Variants in ADCY6 observed in about 807,000 individuals in gnomAD.
The protein encoded by ADCY6 is adenylate cyclase type 6.
ADCY6 carries 59 observed loss-of-function variants against 111.6 expected under a neutral mutation model. The observed-to-expected ratio is 0.53, with a 90% CI of 0.43 to 0.66. The LOEUF is 0.66. Among genes scored for constraint, ADCY6 ranks in the 30% least tolerant of loss-of-function variants. The pLI, the probability that ADCY6 is intolerant of heterozygous loss-of-function variation, is 0.00. For synonymous variants in ADCY6, 576 were observed against 642.9 expected (o/e 0.90, Z 1.57); for missense variants, 1,242 against 1,595.6 (o/e 0.78, Z 3.78).
At chr12:48,775,569 C>T in intron 10 of ADCY6, 104 bp downstream of exon 10, 1 of 1,577,048 alleles carries the variant, frequency 6.3e-7, no homozygotes, top group African/African-American at 1.3e-5. Context: ...GTGGCTCCTG[C>T]TCCCACACAA....
chr12:48,774,181 G>T (rs1941630856), intron 14 of ADCY6, 83 bp from the exon 15 acceptor site: 2 of 1,357,262 alleles, frequency 1.5e-6, no homozygotes, highest in Non-Finnish European at 2.0e-6. Flanking sequence ...ACCCTAACCT[G>T]GGCTATGCCC....
In ADCY6 at chr12:48,768,587, C is replaced by G; in HGVS notation, c.*4G>C. 1.9e-6 allele frequency: 3 copies of G among 1,614,094 alleles called. No homozygotes were observed. The highest frequency in any genetic ancestry group is 2.5e-6 in the Non-Finnish European group (3 of 1,180,002). ...CCTTCAGCTGAATTTGTGGCTGGGC[C>G]CTGTTAACTGCTGGGGCCCCCATTG... is the stretch of plus-strand genomic sequence containing the variant. On this transcript the variant is annotated 3_prime_UTR_variant, in exon 22 of 22. Transcript: ENST00000357869.
At chr12:48,772,122 G>C (rs1234007194) in intron 18 of ADCY6, 149 bp from the exon 19 acceptor site, 3 of 1,380,890 alleles carry the variant, frequency 2.2e-6, no homozygotes, top group African/African-American at 1.5e-5. Context: ...AGGGGTAAAG[G>C]GGGCAGGTAG....
chr12:48,780,935 TCACGCTTGTAATCC>T (rs1443473480), intron 2 of ADCY6, among the ~76,000 whole-genome samples: 1 of 152,202 alleles, frequency 6.6e-6, no homozygotes, highest in Non-Finnish European at 1.5e-5. Flanking sequence ...GTGCGGTGGC[TCACGCTTGTAATCC>T]CAGCACTTTG....
At chr12:48,784,918 AAC>A (rs1941952703) in intron 1 of ADCY6, among the ~76,000 whole-genome samples, 1 of 152,054 alleles carries the variant, frequency 6.6e-6, no homozygotes, top group Non-Finnish European at 1.5e-5. Context: ...GCCACCAGCT[AAC>A]AGTGATAATC....
In ADCY6 at chr12:48,775,073, A is replaced by G; in HGVS notation, c.1981-19T>C. ...GGGAGTACTGAGGGAGAGGAGGCTG[A>G]GCTGAGTGCTGGGCCCTCCCTAAGG... is the stretch of plus-strand genomic sequence containing the variant. On this transcript the variant is annotated intron_variant, in intron 11 of 21. Transcript: ENST00000357869. 1 of 1,547,130 alleles carries G rather than the reference A, an allele frequency of 6.5e-7. No individual in the cohort carries two copies. Among genetic ancestry groups the G allele is most frequent in the Non-Finnish European group, 8.8e-7 (1 of 1,142,402 alleles).
At position 48,777,659 on chromosome 12, in the gene ADCY6, GTCT is replaced by G; in HGVS notation, c.1089_1091del (p.Glu363del). The G allele has an allele frequency of 6.2e-7, 1 of 1,613,704 alleles. No individual in the cohort carries two copies. Among genetic ancestry groups the G allele is most frequent in the Non-Finnish European group, 8.5e-7 (1 of 1,179,972 alleles). Reference sequence around the variant, plus strand: ...GTATGTAGATCTTGTGGAACATCATGTCTTCTTTTTTTGTGTTGATGTCTTCTT... The same window carrying G: ...GTATGTAGATCTTGTGGAACATCATGTCTTTTTTTGTGTTGATGTCTTCTT... On this transcript the variant is annotated inframe_deletion, in exon 4 of 22. Transcript: ENST00000357869. The surrounding 1 kb of genome is among the most constrained non-coding windows in gnomAD (Gnocchi z 4.9).
intron 9 of ADCY6, 71 bp from the exon 10 acceptor site, chr12:48,775,769 AC>A: frequency 6.4e-7 from 1 of 1,564,374 alleles, no homozygotes; most frequent in Non-Finnish European, 8.7e-7. Flanking sequence ...TCCTTCCCCC[AC>A]CCCAACACTG....
chr12:48,774,437 C>A lies in ADCY6; in HGVS notation c.2248G>T (p.Val750Phe). The change falls in exon 14 of 22, where the codon GTC becomes TTC. Residue 750 changes from valine to phenylalanine, a missense_variant. Transcript: ENST00000357869. ...AHSTAVGIFS[V>F]LLVFTSAIAN... ...ATGGCAGAAGTAAACACAAGCAGGACGGAAAAGATGCCAACTGCGGTGCTA... is the reference window on the plus strand; with the variant it reads ...ATGGCAGAAGTAAACACAAGCAGGAAGGAAAAGATGCCAACTGCGGTGCTA... The A allele has an allele frequency of 4.3e-5, 69 of 1,613,914 alleles. No homozygotes were observed. Among genetic ancestry groups the A allele is most frequent in the Non-Finnish European group, 5.8e-5 (69 of 1,179,974 alleles).
chr12:48,788,969 G>C lies in ADCY6; in HGVS notation c.-68C>G, dbSNP rs1942034595. On this transcript the variant is annotated 5_prime_UTR_variant, in exon 1 of 22. Transcript: ENST00000357869. ...CCGCCGCCCCCGCGGGCTCCGGCCG[G>C]CCGGCCGGCCGTCCCGCGGTCCTCC... is the stretch of plus-strand genomic sequence containing the variant. 7.5e-6 allele frequency: 1 copy of C among 133,920 alleles called. No individual in the cohort carries two copies. The highest frequency in any genetic ancestry group is 2.4e-4 in the East Asian group (1 of 4,130). 8.3% of individuals were successfully genotyped at this position (133,920 alleles called of 1,614,324 possible).
chr12:48,784,238 T>C (rs920702601), intron 1 of ADCY6: 7 of 66,656 alleles, frequency 1.1e-4, no homozygotes, highest in African/African-American at 4.5e-4. Flanking sequence ...AGCCATAGCC[T>C]GAAAAAAAAA....
chr12:48,771,979 G>A lies in ADCY6; in HGVS notation c.2788-6C>T, dbSNP rs774582629. On this transcript the variant is annotated splice_region_variant and splice_polypyrimidine_tract_variant and intron_variant, in intron 18 of 21. Coordinates refer to ENST00000357869, the MANE Select transcript of ADCY6 (RefSeq NM_015270.5). The surrounding 1 kb of genome is among the most constrained non-coding windows in gnomAD (Gnocchi z 4.3). ...TCCTCCTTCTCCCCTGTTGCCTGTGGACACCACACCCATCACCCATTGCCC... is the reference window on the plus strand; with the variant it reads ...TCCTCCTTCTCCCCTGTTGCCTGTGAACACCACACCCATCACCCATTGCCC... 1 of 1,603,894 alleles carries A rather than the reference G, an allele frequency of 6.2e-7. No homozygotes were observed. Among genetic ancestry groups the A allele is most frequent in the Non-Finnish European group, 8.5e-7 (1 of 1,174,386 alleles).
In ADCY6 at chr12:48,776,314, C is replaced by T. The variant is rs1338008030; in HGVS notation, c.1572G>A (p.Leu524=). ...CTGGCTCCACCTCGTAGTCCCCGTT[C>T]AGGTACTGCAGTGTTGCCCGAGTGA... ...IHITRATLQY[L]NGDYEVEPGR... Residue 524 remains leucine, a synonymous_variant, in exon 8 of 22, where the codon CTG becomes CTA. Coordinates refer to ENST00000357869, the MANE Select transcript of ADCY6 (RefSeq NM_015270.5). The surrounding 1 kb of genome is among the most constrained non-coding windows in gnomAD (Gnocchi z 6.1). 6.2e-7 allele frequency: 1 copy of T among 1,614,126 alleles called. No homozygotes were observed. The highest frequency in any genetic ancestry group is 1.3e-5 in the African/African-American group (1 of 74,946).
At chr12:48,783,779 T>C (rs1229124631) in intron 1 of ADCY6, 1 of 280,500 alleles carries the variant, frequency 3.6e-6, no homozygotes, top group African/African-American at 2.3e-5. Context: ...CCTGCCTCTA[T>C]TAAAATTTCA....
At position 48,777,368 on chromosome 12, in the gene ADCY6, C is replaced by A; in HGVS notation, c.1248+42G>T. 1.2e-6 allele frequency: 2 copies of A among 1,607,992 alleles called. No homozygotes were observed. Among genetic ancestry groups the A allele is most frequent in the Non-Finnish European group, 1.7e-6 (2 of 1,175,164 alleles). On this transcript the variant is annotated intron_variant, in intron 5 of 21. Transcript: ENST00000357869. The surrounding 1 kb of genome is among the most constrained non-coding windows in gnomAD (Gnocchi z 4.9). ...TGCCAGCAAAGCTATGCTCTCACCA[C>A]GGTCAACACCCAGGCCCAATCCCAA...
At chr12:48,787,163 T>C (rs1941992468) in intron 1 of ADCY6, among the ~76,000 whole-genome samples, 1 of 151,918 alleles carries the variant, frequency 6.6e-6, no homozygotes. Context: ...AGTGAGCAGG[T>C]TTCCCACCAC....
chr12:48,771,012 C>G lies in ADCY6; in HGVS notation c.3052-42G>C. ...GACCTGGCTGTCAAGGCAAAGACCC[C>G]AGACCCAGCCCTGCCCCAACACTCA... On this transcript the variant is annotated intron_variant, in intron 19 of 21. Transcript: ENST00000357869. The surrounding 1 kb of genome is among the most constrained non-coding windows in gnomAD (Gnocchi z 4.3). 6.3e-7 allele frequency: 1 copy of G among 1,592,006 alleles called. No individual in the cohort carries two copies. Among genetic ancestry groups the G allele is most frequent in the Non-Finnish European group, 8.6e-7 (1 of 1,164,404 alleles).
At chr12:48,788,667 G>GGGAGGCA (rs1942026913) in intron 1 of ADCY6, among the ~76,000 whole-genome samples, 1 of 152,104 alleles carries the variant, frequency 6.6e-6, no homozygotes, top group South Asian at 2.1e-4. Context: ...GCCCCGTGGA[G>GGGAGGCA]GGAGGCAGGC....
Position 48,776,245 on chromosome 12 carries a change from A to G in ADCY6, c.1641T>C (p.Ile547=). 6.2e-7 allele frequency: 1 copy of G among 1,614,174 alleles called. No individual in the cohort carries two copies. The highest frequency in any genetic ancestry group is 1.1e-5 in the South Asian group (1 of 91,084). ...ERNAYLKEQH[I]ETFLILGASQ... is the part of the protein sequence containing the mutation. Reference sequence around the variant, plus strand: ...TGGCGCCCAGGATGAGGAAAGTCTCAATGTGCTGCTCCTTGAGGTACGCGT... The same window carrying G: ...TGGCGCCCAGGATGAGGAAAGTCTCGATGTGCTGCTCCTTGAGGTACGCGT... Residue 547 remains isoleucine (I), a synonymous_variant, in exon 8 of 22, where the codon ATT becomes ATC. Transcript: ENST00000357869. The surrounding 1 kb of genome is among the most constrained non-coding windows in gnomAD (Gnocchi z 6.1).
Sources: allele counts gnomAD v4.1 joint callset (sites outside exome capture counted in the v4.1 genomes callset), GRCh38; gene constraint gnomAD v4.1.1; non-coding constraint Gnocchi (gnomAD v3.1); transcripts MANE v1.5; gene names NCBI Gene and HGNC (gene_info 2026-07-23, HGNC 2026-07-21).